USH2A: variants seen among roughly 807,000 people sequenced by gnomAD.
USH2A encodes usherin.
In USH2A, 443 loss-of-function variants were observed where a neutral mutation model predicts 538.9. The observed-to-expected ratio is 0.82, with a 90% CI of 0.76 to 0.89. The LOEUF is 0.89. Ranked by LOEUF, USH2A falls within the 40% of genes least tolerant of loss-of-function variation. USH2A has a pLI of 0.00. For missense variants in USH2A, 6,633 were observed against 6,324.8 expected, an observed-to-expected ratio of 1.05 and a Z score of -1.65; for synonymous variants, 2,413 against 2,273.5, an observed-to-expected ratio of 1.06 and a Z score of -1.75.
At chr1:215,741,606 A>C in intron 59 of USH2A, 69 bp from the exon 60 acceptor site, 1 of 1,544,532 alleles carries the variant, frequency 6.5e-7, no homozygotes, top group Non-Finnish European at 8.8e-7. Context: ...ATTCATACAG[A>C]AGGGTAATGA....
At chr1:215,775,361 G>A (rs959927776) in intron 55 of USH2A, among the ~76,000 whole-genome samples, 3 of 152,108 alleles carry the variant, frequency 2.0e-5, no homozygotes, top group Admixed American at 6.6e-5. Context: ...ATCTGTCTGC[G>A]ATTTAGATAC....
chr1:216,312,823 G>GTT (rs941024652), intron 9 of USH2A, among the ~76,000 whole-genome samples: 13 of 152,044 alleles, frequency 8.6e-5, no homozygotes, highest in African/African-American at 2.9e-4. Flanking sequence ...AAACTGTGAG[G>GTT]TTGTTTGTTT....
intron 61 of USH2A, among the ~76,000 whole-genome samples, chr1:215,701,108 T>C (rs1017049838): frequency 6.6e-6 from 1 of 152,140 alleles, no homozygotes; most frequent in African/African-American, 2.4e-5. Flanking sequence ...TTCCATGTAG[T>C]TGTGTGGTTT....
intron 61 of USH2A, among the ~76,000 whole-genome samples, chr1:215,691,317 C>CT (rs1333234960): frequency 2.6e-5 from 4 of 152,176 alleles, no homozygotes; most frequent in Non-Finnish European, 5.9e-5. Flanking sequence ...AAAGCCTGTT[C>CT]TTTCTGCCCA....
intron 17 of USH2A, 33 bp downstream of exon 17, chr1:216,199,594 C>A: frequency 6.2e-7 from 1 of 1,613,240 alleles, no homozygotes; most frequent in East Asian, 2.2e-5. Flanking sequence ...CATGTCTTGA[C>A]CAAAAAGGGG....
At chr1:216,172,204 G>C (rs1352026054) in intron 21 of USH2A, among the ~76,000 whole-genome samples, 1 of 151,964 alleles carries the variant, frequency 6.6e-6, no homozygotes, top group African/African-American at 2.4e-5. Context: ...TCCCTTTCTT[G>C]TACTACAATA....
chr1:215,878,933 A>G lies in USH2A; in HGVS notation c.8389T>C (p.Ser2797Pro), dbSNP rs1385277744. The part of the protein sequence containing the change: ...TNYSVTIVAC[S>P]GGNGYLGGCT... The stretch of plus-strand genomic sequence containing the variant: ...CCTCCAAGGTACCCATTACCCCCTG[A>G]GCAAGCAACAATGGTGACAGAATAA... Residue 2797 changes from serine (S) to proline (P), a missense_variant, in exon 42 of 72, where the codon TCA becomes CCA. Physicochemically the swap from Ser to Pro is moderately conservative, Grantham distance 74 (BLOSUM62 -1). Coordinates refer to ENST00000307340, the MANE Select transcript of USH2A (RefSeq NM_206933.4). 3.1e-6 allele frequency: 5 copies of G among 1,613,964 alleles called. No homozygotes were observed. The East Asian group carries it at 8.9e-5, about 29-fold the overall frequency.
intron 21 of USH2A, among the ~76,000 whole-genome samples, chr1:216,160,791 T>C (rs1194975434): frequency 1.3e-5 from 2 of 152,162 alleles, no homozygotes; most frequent in Non-Finnish European, 2.9e-5. Flanking sequence ...AAATCTTTGA[T>C]AGTTATACTA....
At chr1:216,165,717 T>C (rs1377105253) in intron 21 of USH2A, among the ~76,000 whole-genome samples, 1 of 152,280 alleles carries the variant, frequency 6.6e-6, no homozygotes, top group Admixed American at 6.5e-5. Context: ...ATCTGGTAAA[T>C]GTCTTATGCC....
chr1:215,722,011 G>A (rs1411776116), intron 61 of USH2A, among the ~76,000 whole-genome samples: 1 of 150,992 alleles, frequency 6.6e-6, no homozygotes, highest in Non-Finnish European at 1.5e-5. Flanking sequence ...GCTGCAGTGA[G>A]CTATGATGGT....
intron 4 of USH2A, among the ~76,000 whole-genome samples, chr1:216,362,235 G>C (rs866985902): frequency 6.6e-6 from 1 of 151,940 alleles, no homozygotes; most frequent in Admixed American, 6.6e-5. Flanking sequence ...ACATAAATGA[G>C]TTTTTATAAA....
intron 13 of USH2A, 47 bp from the exon 14 acceptor site, chr1:216,232,183 C>T: frequency 6.4e-7 from 1 of 1,555,158 alleles, no homozygotes; most frequent in South Asian, 1.2e-5. Context: ...TTTATCCACT[C>T]TTTTATTTAA....
chr1:216,169,980 A>G (rs2034246438), intron 21 of USH2A, among the ~76,000 whole-genome samples: 1 of 151,586 alleles, frequency 6.6e-6, no homozygotes. Context: ...CTTTCTGTCA[A>G]AATACTTGCT....
intron 24 of USH2A, among the ~76,000 whole-genome samples, chr1:216,085,905 A>C (rs1184185034): frequency 6.6e-6 from 1 of 152,102 alleles, no homozygotes; most frequent in African/African-American, 2.4e-5. Context: ...TTTGATCTTC[A>C]TCATGATTCC....
intron 51 of USH2A, among the ~76,000 whole-genome samples, chr1:215,788,069 A>C (rs1005503732): frequency 6.6e-6 from 1 of 152,008 alleles, no homozygotes; most frequent in Admixed American, 6.6e-5. Flanking sequence ...ATCTATCTAT[A>C]TCTATCTATC....
chr1:216,196,522 C>G, intron 19 of USH2A, 31 bp downstream of exon 19: 3 of 1,612,402 alleles, frequency 1.9e-6, no homozygotes, highest in Non-Finnish European at 2.5e-6. Context: ...TAAGCCAATT[C>G]TGAAAGGACA....
Position 215,743,386 on chromosome 1 carries a change from A to ATATGTGTGTGTG in USH2A, c.11390-52_11390-51insCACACACACATA, listed in dbSNP as rs878870284. ...ACATTAAAAACATATATATATATATATGTGTGTGTGTGTGTGTGTGTGTGT... is the reference window on the plus strand; with the variant it reads ...ACATTAAAAACATATATATATATATATATGTGTGTGTGTGTGTGTGTGTGTGTGTGTGTGTGT... On this transcript the variant is annotated intron_variant, in intron 58 of 71. Coordinates refer to ENST00000307340, the MANE Select transcript of USH2A (RefSeq NM_206933.4). The ATATGTGTGTGTG allele has an allele frequency of 6.4e-5, 21 of 328,552 alleles. 1 individual carries two copies. The highest frequency in any genetic ancestry group is 3.7e-4 in the East Asian group (5 of 13,672). The allele number at this position is 328,552 out of a possible 1,614,324, so 20.4% of individuals were successfully genotyped here.
At chr1:216,285,628 G>T (rs928299319) in intron 11 of USH2A, among the ~76,000 whole-genome samples, 8 of 152,204 alleles carry the variant, frequency 5.3e-5, no homozygotes, top group African/African-American at 1.9e-4. Flanking sequence ...ACCTCAGAAT[G>T]GTAGATCCAC....
chr1:215,655,737 T>TTTTTTTTTTTTTTTTTTA (rs1657227946), intron 64 of USH2A, among the ~76,000 whole-genome samples: 1 of 146,266 alleles, frequency 6.8e-6, no homozygotes, highest in African/African-American at 2.5e-5. Context: ...TTTTTTTTTT[T>TTTTTTTTTTTTTTTTTTA]TTTTTTTTTT....
Sources: allele counts gnomAD v4.1 joint callset (sites outside exome capture counted in the v4.1 genomes callset), GRCh38; gene constraint gnomAD v4.1.1; transcripts MANE v1.5; gene names NCBI Gene and HGNC (gene_info 2026-07-23, HGNC 2026-07-21).